Variants in FOXP2 observed in about 807,000 individuals in gnomAD.
The protein encoded by FOXP2 is forkhead box P2.
A neutral mutation model predicts 115.8 loss-of-function variants in FOXP2; 12 were observed. That is an observed-to-expected ratio of 0.10 (90% confidence interval 0.07 to 0.17). The LOEUF is 0.17. Among genes scored for constraint, FOXP2 ranks in the 10% least tolerant of loss-of-function variants. The pLI is 1.00. For synonymous variants in FOXP2, 328 were observed against 297.7 expected, an observed-to-expected ratio of 1.10 and a Z score of -1.05; for missense variants, 629 against 843.5, an observed-to-expected ratio of 0.75 and a Z score of 3.15.
intron 3 of FOXP2, among the ~76,000 whole-genome samples, chr7:114,580,610 A>G (rs1357923850): frequency 2.0e-5 from 3 of 152,004 alleles, no homozygotes; most frequent in Admixed American, 2.0e-4. Context: ...AACAAAACAG[A>G]AAACAAGAAA....
At chr7:114,426,961 T>G (rs1259206503) in intron 2 of FOXP2, among the ~76,000 whole-genome samples, 1 of 151,644 alleles carries the variant, frequency 6.6e-6, no homozygotes, top group Non-Finnish European at 1.5e-5. Flanking sequence ...ATTTTATAGC[T>G]TCTAGTTTAC....
chr7:114,292,440 C>T (rs986619505), intron 2 of FOXP2, among the ~76,000 whole-genome samples: 2 of 152,062 alleles, frequency 1.3e-5, no homozygotes, highest in African/African-American at 2.4e-5. Context: ...CTAATTACAG[C>T]CTAGTGTGGT....
chr7:114,606,439 A>T (rs1452222732), intron 3 of FOXP2, among the ~76,000 whole-genome samples: 1 of 152,194 alleles, frequency 6.6e-6, no homozygotes, highest in Non-Finnish European at 1.5e-5. Flanking sequence ...AAAACTCTAA[A>T]CATTTAGTGA....
At chr7:114,241,673 T>C (rs546646467) in intron 1 of FOXP2, among the ~76,000 whole-genome samples, 44 of 152,078 alleles carry the variant, frequency 2.9e-4, no homozygotes, top group Non-Finnish European at 5.9e-4. Context: ...GAGAATTTTT[T>C]ATGTGGTTAT....
At chr7:114,091,696 T>C (rs1799547197) in intron 1 of FOXP2, among the ~76,000 whole-genome samples, 1 of 151,976 alleles carries the variant, frequency 6.6e-6, no homozygotes, top group South Asian at 2.1e-4. Context: ...GAACTTTGTT[T>C]ACTCTCTCTA....
chr7:114,264,000 C>A (rs558527205), intron 1 of FOXP2, among the ~76,000 whole-genome samples: 1 of 152,120 alleles, frequency 6.6e-6, no homozygotes, highest in African/African-American at 2.4e-5. Flanking sequence ...TGTATTCTAG[C>A]TTTGCCTGTT....
At chr7:114,592,837 G>A (rs1008260857) in intron 3 of FOXP2, among the ~76,000 whole-genome samples, 1 of 151,928 alleles carries the variant, frequency 6.6e-6, no homozygotes, top group Non-Finnish European at 1.5e-5. Context: ...TACCTCAAGT[G>A]GTTTCTTCAA....
chr7:114,544,685 A>C (rs577806720), intron 3 of FOXP2, among the ~76,000 whole-genome samples: 1 of 152,330 alleles, frequency 6.6e-6, no homozygotes, highest in Non-Finnish European at 1.5e-5. Context: ...GACTGTAGCA[A>C]ATTCTTGGAT....
intron 1 of FOXP2, among the ~76,000 whole-genome samples, chr7:114,184,702 G>T (rs1793548585): frequency 6.6e-6 from 1 of 152,060 alleles, no homozygotes. Context: ...AAAATAAATA[G>T]ATAAAACAAG....
At chr7:114,444,556 TGGTA>T (rs1283079911) in intron 2 of FOXP2, among the ~76,000 whole-genome samples, 5 of 152,164 alleles carry the variant, frequency 3.3e-5, no homozygotes, top group African/African-American at 1.2e-4. Context: ...CTTTATTAAT[TGGTA>T]TATGAATTGT....
chr7:114,289,963 T>C (rs1180429764), intron 2 of FOXP2, among the ~76,000 whole-genome samples: 1 of 151,872 alleles, frequency 6.6e-6, no homozygotes, highest in Non-Finnish European at 1.5e-5. Flanking sequence ...GATTTTGGGG[T>C]CAGGTTGATA....
upstream of FOXP2, among the ~76,000 whole-genome samples, chr7:114,410,795 T>C (rs1793143685): frequency 6.6e-6 from 1 of 152,086 alleles, no homozygotes; most frequent in Admixed American, 6.6e-5. Context: ...CTCTCAACTA[T>C]TCTTTCTCTG....
At chr7:114,194,910 A>T (rs1793864686) in intron 1 of FOXP2, among the ~76,000 whole-genome samples, 1 of 152,188 alleles carries the variant, frequency 6.6e-6, no homozygotes, top group Non-Finnish European at 1.5e-5. Context: ...TGAAATTGTT[A>T]TTCTTTTGCA....
At chr7:114,389,437 A>G (rs575163382) in intron 2 of FOXP2, among the ~76,000 whole-genome samples, 1 of 152,216 alleles carries the variant, frequency 6.6e-6, no homozygotes, top group African/African-American at 2.4e-5. Flanking sequence ...TGCCTTGGGA[A>G]TCAATAGACA....
Position 114,154,800 on chromosome 7 carries a change from G to A in FOXP2, c.-246-8144G>A, listed in dbSNP as rs569524504. The stretch of plus-strand genomic sequence containing the variant: ...CCAAAAGAAAAGACTGCTGGATTTA[G>A]GACAGTTATCCTGAGGTCAAATCCT... On this transcript the variant is annotated intron_variant, in intron 1 of 19. Coordinates refer to the FOXP2 transcript ENST00000635638. Among the ~76,000 whole-genome samples, 3 of 152,212 alleles carry A rather than the reference G, an allele frequency of 2.0e-5. No homozygotes were observed. In the South Asian group the frequency reaches 6.2e-4, roughly 32 times the overall value.
At chr7:114,372,860 A>G (rs911469557) in intron 2 of FOXP2, among the ~76,000 whole-genome samples, 6 of 152,196 alleles carry the variant, frequency 3.9e-5, no homozygotes, top group Non-Finnish European at 2.9e-5. Context: ...TAAGTTAACC[A>G]TGAAGATTTT....
At chr7:114,186,673 G>T (rs902039997) in intron 1 of FOXP2, among the ~76,000 whole-genome samples, 1 of 152,154 alleles carries the variant, frequency 6.6e-6, no homozygotes, top group Admixed American at 6.5e-5. Flanking sequence ...CATCGCTGTG[G>T]TGGCTCCGTC....
intron 2 of FOXP2, among the ~76,000 whole-genome samples, chr7:114,396,591 T>C (rs1052546245): frequency 2.0e-5 from 3 of 152,092 alleles, no homozygotes; most frequent in Non-Finnish European, 4.4e-5. Flanking sequence ...CTATACTAAT[T>C]ACATTCATAT....
intron 16 of FOXP2, among the ~76,000 whole-genome samples, chr7:114,680,618 G>A (rs1451719875): frequency 1.3e-5 from 2 of 151,888 alleles, no homozygotes; most frequent in South Asian, 2.1e-4. Flanking sequence ...CCTGCCTTAA[G>A]CTATGTTAAA....
Sources: gnomAD v4.1 joint callset for allele counts (sites outside exome capture counted in the v4.1 genomes callset) on GRCh38, gnomAD v4.1.1 for gene constraint, MANE v1.5 for transcripts, NCBI Gene and HGNC (gene_info 2026-07-23, HGNC 2026-07-21) for gene names.